Variants in GAS2L3 observed in about 807,000 individuals in gnomAD.
GAS2L3 encodes the protein growth arrest specific 2 like 3.
In GAS2L3, 28 loss-of-function variants were observed where a neutral mutation model predicts 37.0. The observed-to-expected ratio is 0.76, with a 90% CI of 0.56 to 1.04. GAS2L3 has a LOEUF of 1.04. GAS2L3 is among the 50% of genes least tolerant of loss of function. The pLI is 0.00. For missense variants in GAS2L3, 793 were observed against 817.6 expected, an observed-to-expected ratio of 0.97 and a Z score of 0.37; for synonymous variants, 290 against 296.6, an observed-to-expected ratio of 0.98 and a Z score of 0.23.
rs369864279 is a variant in GAS2L3, at chr12:100,623,590, G to A, written c.785G>A (p.Arg262His). The A allele has an allele frequency of 1.0e-5, 16 of 1,606,978 alleles. No homozygotes were observed. The highest frequency in any genetic ancestry group is 1.7e-4 in the Middle Eastern group (1 of 6,020). Residue 262 changes from arginine (R) to histidine (H), a missense_variant, in exon 10 of 10, where the codon CGC becomes CAC. Arg to His is a conservative substitution (Grantham distance 29, BLOSUM62 0). Coordinates refer to ENST00000547754, the MANE Select transcript of GAS2L3 (RefSeq NM_174942.3). ...RMLHGKHVMVRVGGGWDTLQG... is the reference protein window; with the variant it reads ...RMLHGKHVMVHVGGGWDTLQG... ...CTTCATGGAAAACATGTCATGGTTCGCGTTGGTGGAGGCTGGGATACTCTT... is the reference window on the plus strand; with the variant it reads ...CTTCATGGAAAACATGTCATGGTTCACGTTGGTGGAGGCTGGGATACTCTT...
At chr12:100,594,827 CAA>C (rs1481325379) in intron 2 of GAS2L3, 46 bp from the exon 3 acceptor site, 13 of 643,792 alleles carry the variant, frequency 2.0e-5, no homozygotes, top group Non-Finnish European at 3.2e-5. Context: ...GGGGGAGTAG[CAA>C]AACTGCCACT....
At position 100,624,671 on chromosome 12, in the gene GAS2L3, T is replaced by TA; in HGVS notation, c.1867dup (p.Thr623AsnfsTer15). 6.2e-7 allele frequency: 1 copy of TA among 1,614,134 alleles called. No individual in the cohort carries two copies. The highest frequency in any genetic ancestry group is 1.1e-5 in the South Asian group (1 of 91,076). On this transcript the variant is annotated frameshift_variant, in exon 10 of 10. Transcript: ENST00000547754. LOFTEE classifies it low-confidence loss of function (END_TRUNC). ...CCATCGTGAGCCTACCCCAGTCTTC[T>TA]ACCAAAACACAAACTGCACCGAAGT...
At chr12:100,619,351 A>G (rs374685203) in intron 8 of GAS2L3, among the ~76,000 whole-genome samples, 32 of 152,190 alleles carry the variant, frequency 2.1e-4, no homozygotes, top group African/African-American at 6.5e-4. Context: ...AGTGACTACA[A>G]TGTGAACAAT....
intron 2 of GAS2L3, 132 bp downstream of exon 2, chr12:100,591,988 A>C (rs1434536727): frequency 1.3e-5 from 2 of 152,118 alleles, no homozygotes; most frequent in Admixed American, 1.3e-4. Flanking sequence ...TTTTTTTCTG[A>C]GTAAATCAGA....
At chr12:100,608,847 G>A (rs779716669) in intron 5 of GAS2L3, among the ~76,000 whole-genome samples, 2 of 152,116 alleles carry the variant, frequency 1.3e-5, no homozygotes, top group Admixed American at 6.5e-5. Flanking sequence ...CTGATGTTCT[G>A]TTTTACTGCA....
chr12:100,624,665 G>T lies in GAS2L3; in HGVS notation c.1860G>T (p.Gln620His), dbSNP rs1663819623. 1.9e-6 allele frequency: 3 copies of T among 1,614,098 alleles called. No homozygotes were observed. The highest frequency in any genetic ancestry group is 2.5e-6 in the Non-Finnish European group (3 of 1,180,024). ...CACTGTCCATCGTGAGCCTACCCCA[G>T]TCTTCTACCAAAACACAAACTGCAC... ...RTPLSIVSLP[Q>H]SSTKTQTAPK... Residue 620 changes from glutamine (Q) to histidine (H), a missense_variant, in exon 10 of 10, where the codon CAG becomes CAT. By Grantham distance (24) the Gln-to-His change is conservative. Transcript: ENST00000547754.
intron 6 of GAS2L3, among the ~76,000 whole-genome samples, chr12:100,615,829 T>C (rs1398275558): frequency 6.6e-6 from 1 of 152,226 alleles, no homozygotes; most frequent in Non-Finnish European, 1.5e-5. Flanking sequence ...GACACTCATT[T>C]CCATTCCATT....
intron 9 of GAS2L3, 67 bp from the exon 10 acceptor site, chr12:100,623,495 G>A (rs1347931883): frequency 7.1e-7 from 1 of 1,403,332 alleles, no homozygotes; most frequent in African/African-American, 1.4e-5. Context: ...TATTGTAACT[G>A]CTAATGAATT....
chr12:100,591,006 C>T (rs1955840136), intron 1 of GAS2L3, among the ~76,000 whole-genome samples: 1 of 151,900 alleles, frequency 6.6e-6, no homozygotes, highest in Non-Finnish European at 1.5e-5. Context: ...GATGGATGCA[C>T]CAAAATCTCA....
In GAS2L3 at chr12:100,616,235, A is replaced by G. The variant is rs191311557; in HGVS notation, c.446-1509A>G. Among the ~76,000 whole-genome samples, 3 of 152,258 alleles carry G rather than the reference A, an allele frequency of 2.0e-5. No homozygotes were observed. The East Asian group carries it at 5.8e-4, about 29-fold the overall frequency. On this transcript the variant is annotated intron_variant, in intron 6 of 9. Transcript: ENST00000547754. ...TACTTCTAAGTACTTTTTCTTTTTG[A>G]AGCCATTGTAAGTGTAATTATTTTC...
intron 3 of GAS2L3, among the ~76,000 whole-genome samples, chr12:100,596,880 T>C (rs1378448937): frequency 6.6e-6 from 1 of 152,098 alleles, no homozygotes; most frequent in Non-Finnish European, 1.5e-5. Flanking sequence ...AGTACCTAAG[T>C]TAATCTGTAG....
At chr12:100,579,540 A>C in intron 1 of GAS2L3, 2 of 774,444 alleles carry the variant, frequency 2.6e-6, no homozygotes, top group South Asian at 2.7e-5. Context: ...AGAGGGACCA[A>C]AGAGAATCAT....
intron 5 of GAS2L3, among the ~76,000 whole-genome samples, chr12:100,604,193 T>C (rs989864839): frequency 3.3e-5 from 5 of 152,116 alleles, no homozygotes; most frequent in African/African-American, 1.2e-4. Flanking sequence ...CTTTGAGTAG[T>C]ATGGCCGTTT....
At chr12:100,594,028 A>C (rs1955879901) in intron 2 of GAS2L3, 1 of 152,074 alleles carries the variant, frequency 6.6e-6, no homozygotes, top group Admixed American at 6.6e-5. Flanking sequence ...TAGAGGAAAA[A>C]ATAACTTTTT....
At chr12:100,623,484 A>G in intron 9 of GAS2L3, 78 bp from the exon 10 acceptor site, 1 of 1,304,964 alleles carries the variant, frequency 7.7e-7, no homozygotes, top group East Asian at 2.3e-5. Flanking sequence ...CAGACATCAC[A>G]TATTGTAACT....
At chr12:100,610,513 G>T (rs1956113776) in intron 5 of GAS2L3, among the ~76,000 whole-genome samples, 1 of 127,112 alleles carries the variant, frequency 7.9e-6, no homozygotes, top group Non-Finnish European at 1.8e-5. Flanking sequence ...TTTGCTATTG[G>T]TTTGATTTTT....
intron 3 of GAS2L3, among the ~76,000 whole-genome samples, 187 bp from the exon 4 acceptor site, chr12:100,600,195 T>C (rs1055749863): frequency 2.0e-5 from 3 of 152,132 alleles, no homozygotes; most frequent in African/African-American, 4.8e-5. Context: ...CACTGCACTC[T>C]AGCCTGGGCA....
rs1956336414 is a variant in GAS2L3, at chr12:100,626,791, A to G, written c.*1901A>G. The G allele has an allele frequency of 6.6e-6, 1 of 152,200 alleles. No homozygotes were observed. The highest frequency in any genetic ancestry group is 6.5e-5 in the Admixed American group (1 of 15,278). 9.4% of individuals were successfully genotyped at this position (152,200 alleles called of 1,614,324 possible). On this transcript the variant is annotated 3_prime_UTR_variant, in exon 10 of 10. Transcript: ENST00000547754. ...TAAAAGTATCCCACAGGCATCTGAC[A>G]CAAATTCCAGAATTAGCCAAAGAAT...
intron 1 of GAS2L3, among the ~76,000 whole-genome samples, chr12:100,575,795 G>A (rs777474938): frequency 4.5e-4 from 68 of 152,084 alleles, no homozygotes; most frequent in Non-Finnish European, 8.8e-4. Context: ...CTATTTTATA[G>A]GGGACAAAAC....
Sources: gnomAD v4.1 joint callset for allele counts (sites outside exome capture counted in the v4.1 genomes callset) on GRCh38, gnomAD v4.1.1 for gene constraint, MANE v1.5 for transcripts, NCBI Gene and HGNC (gene_info 2026-07-23, HGNC 2026-07-21) for gene names.